Variants in NTSR1 observed in about 807,000 individuals in gnomAD.
NTSR1 encodes neurotensin receptor 1.
A neutral mutation model predicts 31.2 loss-of-function variants in NTSR1; 29 were observed. That is an observed-to-expected ratio of 0.93 (90% CI 0.69 to 1.27). The LOEUF is 1.27. Among genes scored for constraint, NTSR1 ranks in the 50% most tolerant of loss-of-function variants. The pLI, the probability that NTSR1 is intolerant of heterozygous loss-of-function variation, is 0.00. For missense variants in NTSR1, 697 were observed against 595.4 expected (o/e 1.17, Z -1.78); for synonymous variants, 282 against 269.9 (o/e 1.04, Z -0.44).
intron 1 of NTSR1, among the ~76,000 whole-genome samples, chr20:62,748,175 CAAA>C (rs34449464): frequency 0.13 from 10,453 of 78,732 alleles, 503 homozygotes; most frequent in African/African-American, 0.23. Context: ...GAATCTGTCT[CAAA>C]AAAAAAAAAA....
chr20:62,737,021 C>A (rs6010625), intron 1 of NTSR1, among the ~76,000 whole-genome samples: 22,515 of 152,172 alleles, frequency 0.15, 2,891 homozygotes, highest in African/African-American at 0.33. Flanking sequence ...TCCTGAGGCT[C>A]CCCCAGCCCT....
chr20:62,762,632 T>G lies in NTSR1; in HGVS notation c.*2365T>G, dbSNP rs1989646688. 1 of 151,730 alleles carries G rather than the reference T, an allele frequency of 6.6e-6. No individual in the cohort carries two copies. Among genetic ancestry groups the G allele is most frequent in the Non-Finnish European group, 1.5e-5 (1 of 67,870 alleles). The allele number at this position is 151,730 out of a possible 1,614,324, so 9.4% of individuals were successfully genotyped here. A position where few individuals can be genotyped will look rare whatever the true frequency, so the allele number is the denominator to read the frequency against. ...TGCCATGAGTGCGTCGGTCATGGAGTCCGGAGCCCCTGAGCCGGCCCCTGG... is the reference window on the plus strand; with the variant it reads ...TGCCATGAGTGCGTCGGTCATGGAGGCCGGAGCCCCTGAGCCGGCCCCTGG... On this transcript the variant is annotated 3_prime_UTR_variant, in exon 4 of 4. Transcript: ENST00000370501.
intron 1 of NTSR1, among the ~76,000 whole-genome samples, chr20:62,752,182 G>A (rs893746391): frequency 6.6e-6 from 1 of 152,120 alleles, no homozygotes; most frequent in African/African-American, 2.4e-5. Context: ...CCTTCCCCTC[G>A]CTCAGTCCTC....
chr20:62,736,820 C>T (rs1045586906), intron 1 of NTSR1, among the ~76,000 whole-genome samples: 4 of 152,354 alleles, frequency 2.6e-5, no homozygotes, highest in South Asian at 2.1e-4. Flanking sequence ...CATAATGCCC[C>T]GTGTCAAGGG....
intron 1 of NTSR1, among the ~76,000 whole-genome samples, chr20:62,748,315 G>A (rs1188821055): frequency 6.6e-6 from 1 of 152,060 alleles, no homozygotes; most frequent in East Asian, 1.9e-4. Flanking sequence ...TCATGTTCAT[G>A]CATTGCAAGA....
chr20:62,716,391 G>A (rs534868598), intron 1 of NTSR1, among the ~76,000 whole-genome samples: 161 of 152,272 alleles, frequency 1.1e-3, no homozygotes, highest in African/African-American at 3.5e-3. Context: ...ACGCTGAGCC[G>A]TTGGGACAGG....
chr20:62,731,912 A>T (rs894431316), intron 1 of NTSR1, among the ~76,000 whole-genome samples: 11 of 152,288 alleles, frequency 7.2e-5, no homozygotes, highest in Admixed American at 1.3e-4. Flanking sequence ...TGAGGTCAGG[A>T]GTTCGAGGCC....
intron 1 of NTSR1, among the ~76,000 whole-genome samples, chr20:62,740,708 C>T (rs1036586144): frequency 6.6e-5 from 10 of 152,226 alleles, no homozygotes; most frequent in South Asian, 2.1e-4. Context: ...GGGCCGTGAC[C>T]GGGGCCAGAA....
intron 1 of NTSR1, among the ~76,000 whole-genome samples, chr20:62,746,159 C>T (rs1036043927): frequency 2.6e-5 from 4 of 152,154 alleles, no homozygotes; most frequent in African/African-American, 9.7e-5. Flanking sequence ...CACCACCAGG[C>T]CCCCACACTA....
Position 62,754,940 on chromosome 20 carries a change from G to C in NTSR1, c.916+54G>C. 4.7e-6 allele frequency: 7 copies of C among 1,481,086 alleles called. No homozygotes were observed. In the South Asian group the frequency reaches 7.5e-5, roughly 16 times the overall value. The allele number at this position is 1,481,086 out of a possible 1,614,324, so 91.7% of individuals were successfully genotyped here. On this transcript the variant is annotated intron_variant, in intron 2 of 3. Coordinates refer to ENST00000370501, the MANE Select transcript of NTSR1 (RefSeq NM_002531.3). ...GGGAGGCAGGCCAGGGCTAGCAAAG[G>C]CAGCGAGCGCTGAACCACCCCAAGC... is the stretch of plus-strand genomic sequence containing the variant.
intron 1 of NTSR1, among the ~76,000 whole-genome samples, chr20:62,727,112 G>A (rs893056241): frequency 1.3e-5 from 2 of 152,308 alleles, no homozygotes; most frequent in Admixed American, 6.5e-5. Flanking sequence ...CCGAGAGACC[G>A]CCTCATCCGC....
chr20:62,754,728 C>G lies in NTSR1; in HGVS notation c.758C>G (p.Ser253Trp), dbSNP rs773470664. The G allele has an allele frequency of 5.6e-6, 9 of 1,612,886 alleles. No individual in the cohort carries two copies. The highest frequency in any genetic ancestry group is 7.6e-6 in the Non-Finnish European group (9 of 1,179,772). Residue 253 changes from serine to tryptophan, a missense_variant, in exon 2 of 4, where the codon TCG (serine) becomes TGG (tryptophan). By Grantham distance (177) the Ser-to-Trp change is radical. Coordinates refer to ENST00000370501, the MANE Select transcript of NTSR1 (RefSeq NM_002531.3). ...MSFIFPMVVISVLNTIIANKL... is the reference protein window; with the variant it reads ...MSFIFPMVVIWVLNTIIANKL... The stretch of plus-strand genomic sequence containing the variant: ...TTCATATTCCCCATGGTGGTCATCT[C>G]GGTCCTGAACACCATCATCGCCAAC...
chr20:62,724,524 A>G (rs1179000210), intron 1 of NTSR1, among the ~76,000 whole-genome samples: 1 of 152,230 alleles, frequency 6.6e-6, no homozygotes, highest in Non-Finnish European at 1.5e-5. Flanking sequence ...AAATAACTGC[A>G]TTTGTGTCCG....
rs775960298 is a variant in NTSR1, at chr20:62,754,807, C to T, written c.837C>T (p.Val279=). 1.3e-5 allele frequency: 21 copies of T among 1,610,632 alleles called. 1 individual carries two copies. The highest frequency in any genetic ancestry group is 9.9e-5 in the South Asian group (9 of 91,072). The change falls in exon 2 of 4, where the codon GTC becomes GTT. Residue 279 remains valine (V), a synonymous_variant. Transcript: ENST00000370501. ...QAAEQGQVCT[V]GGEHSTFSMA... ...CCGAGCAGGGCCAAGTGTGCACGGT[C>T]GGGGGCGAGCACAGCACATTCAGCA...
intron 1 of NTSR1, among the ~76,000 whole-genome samples, chr20:62,736,851 T>A (rs1374471398): frequency 6.6e-6 from 1 of 152,208 alleles, no homozygotes; most frequent in Non-Finnish European, 1.5e-5. Flanking sequence ...GGGAGGTGAC[T>A]GGATCGTGGG....
Position 62,715,321 on chromosome 20 carries a change from C to T in NTSR1, c.714+5400C>T, listed in dbSNP as rs946121179. On this transcript the variant is annotated intron_variant, in intron 1 of 3. Transcript: ENST00000370501. This position sits in a 1 kb window ranked among gnomAD's most constrained non-coding sequence, Gnocchi z 4.7. ...GGCAGGGTGAGGACGTGCAGACATG[C>T]GGGTCCACCTCTGTACCCCGTAACC... Among the ~76,000 whole-genome samples, 41 of 152,216 alleles carry T rather than the reference C, an allele frequency of 2.7e-4. No individual in the cohort carries two copies. Among genetic ancestry groups the T allele is most frequent in the Middle Eastern group, 3.4e-3 (1 of 294 alleles).
At chr20:62,759,867 T>TC (rs1989583551) in intron 3 of NTSR1, 151 bp from the exon 4 acceptor site, 3 of 750,514 alleles carry the variant, frequency 4.0e-6, no homozygotes, top group Non-Finnish European at 6.6e-6. Context: ...TGGAGCTTGT[T>TC]ATGAAATGTC....
At position 62,754,707 on chromosome 20, in the gene NTSR1, T is replaced by C; in HGVS notation, c.737T>C (p.Ile246Thr). Residue 246 changes from isoleucine to threonine, a missense_variant, in exon 2 of 4, where the codon ATA becomes ACA. Physicochemically the swap from Ile to Thr is moderately conservative, Grantham distance 89. Transcript: ENST00000370501. ...CAGGTCAACACCTTCATGTCCTTCA[T>C]ATTCCCCATGGTGGTCATCTCGGTC... ...VIQVNTFMSF[I>T]FPMVVISVLN... 1 of 1,612,692 alleles carries C rather than the reference T, an allele frequency of 6.2e-7. No homozygotes were observed.
intron 1 of NTSR1, among the ~76,000 whole-genome samples, chr20:62,749,463 A>T (rs1345426662): frequency 6.6e-6 from 1 of 152,228 alleles, no homozygotes; most frequent in Non-Finnish European, 1.5e-5. Context: ...AAGCTTCTTG[A>T]CATTGGTCTT....
Sources: gnomAD v4.1 joint callset for allele counts (sites outside exome capture counted in the v4.1 genomes callset) on GRCh38, gnomAD v4.1.1 for gene constraint, Gnocchi (gnomAD v3.1) non-coding constraint, MANE v1.5 for transcripts, NCBI Gene and HGNC (gene_info 2026-07-23, HGNC 2026-07-21) for gene names.